ADGRL1: variants seen among roughly 807,000 people sequenced by gnomAD.
The protein encoded by ADGRL1 is adhesion G protein-coupled receptor L1, also known as CIRL-1.
ADGRL1 carries 31 observed loss-of-function variants against 148.9 expected under a neutral mutation model. The ratio of observed to expected loss-of-function variants is 0.21; its 90% CI spans 0.16 to 0.28. ADGRL1 has a LOEUF of 0.28. Ranked by LOEUF, ADGRL1 falls within the 10% of genes least tolerant of loss-of-function variation. The pLI is 1.00. For synonymous variants in ADGRL1, 937 were observed against 900.3 expected (o/e 1.04, Z -0.73); for missense variants, 1,521 against 2,058.8 (o/e 0.74, Z 5.05).
chr19:14,196,930 C>T (rs961641356), intron 1 of ADGRL1, among the ~76,000 whole-genome samples: 2 of 152,058 alleles, frequency 1.3e-5, no homozygotes, highest in African/African-American at 2.4e-5. Context: ...CAGCACAGCG[C>T]CTGGCACAAG....
chr19:14,163,045 G>A lies in ADGRL1; in HGVS notation c.756C>T (p.Thr252=), dbSNP rs750288451. ...TCTTTCCGCCCCAGCGGTAGGGCGA[G>A]GTGTCATGGTAGTTGGCGGTATTGA... ...TVINTANYHD[T]SPYRWGGKTD... Residue 252 remains threonine (T), a synonymous_variant, in exon 5 of 23, where the codon ACC becomes ACT. Transcript: ENST00000361434. The A allele has an allele frequency of 4.3e-6, 7 of 1,614,118 alleles. No individual in the cohort carries two copies. Among genetic ancestry groups the A allele is most frequent in the South Asian group, 1.1e-5 (1 of 91,086 alleles).
chr19:14,203,917 T>C (rs370583656), intron 1 of ADGRL1, among the ~76,000 whole-genome samples: 41 of 151,894 alleles, frequency 2.7e-4, no homozygotes, highest in Middle Eastern at 3.4e-3. Flanking sequence ...ACACATGGGG[T>C]GGACCGAGCG....
chr19:14,157,354 C>G lies in ADGRL1; in HGVS notation c.2642G>C (p.Arg881Pro). The G allele has an allele frequency of 1.2e-6, 2 of 1,614,140 alleles. No homozygotes were observed. The highest frequency in any genetic ancestry group is 1.7e-6 in the Non-Finnish European group (2 of 1,179,994). Residue 881 changes from arginine to proline, a missense_variant, in exon 14 of 23, where the codon CGG becomes CCG. By Grantham distance (103) the Arg-to-Pro change is moderately radical. Transcript: ENST00000361434. This position sits in a 1 kb window ranked among gnomAD's most constrained non-coding sequence, Gnocchi z 7.5. ...AICISTFCFL[R>P]GLQTDRNTIH... ...GGTGTTGCGGTCGGTCTGCAGCCCC[C>G]GCAGGAAGCAGAAGGTGGAGATGCA...
intron 2 of ADGRL1, among the ~76,000 whole-genome samples, chr19:14,183,223 G>GAGAGAGAGAGAGAGAGAGAGAGAC (rs1568616276): frequency 2.6e-5 from 4 of 152,016 alleles, no homozygotes; most frequent in African/African-American, 9.7e-5. Flanking sequence ...GAGAGCGAGA[G>GAGAGAGAGAGAGAGAGAGAGAGAC]AGAGACAGAG....
chr19:14,165,303 G>A (rs1362739283), intron 4 of ADGRL1, among the ~76,000 whole-genome samples: 1 of 152,178 alleles, frequency 6.6e-6, no homozygotes, highest in African/African-American at 2.4e-5. Context: ...CTGAGGGGTC[G>A]GCCTGCCCAC....
At position 14,155,588 on chromosome 19, in the gene ADGRL1, C is replaced by T; in HGVS notation, c.3126-61G>A. 6.4e-7 allele frequency: 1 copy of T among 1,572,448 alleles called. No individual in the cohort carries two copies. Among genetic ancestry groups the T allele is most frequent in the Non-Finnish European group, 8.7e-7 (1 of 1,151,030 alleles). On this transcript the variant is annotated intron_variant, in intron 17 of 22. Transcript: ENST00000361434. This position sits in a 1 kb window ranked among gnomAD's most constrained non-coding sequence, Gnocchi z 5.0. The stretch of plus-strand genomic sequence containing the variant: ...CCGGAGGGGACGGCCTCAGCCCAGG[C>T]CTCCCCTGCAGCCTACAACGGGGGC...
chr19:14,158,863 C>T (rs995730530), intron 11 of ADGRL1, among the ~76,000 whole-genome samples: 1 of 152,224 alleles, frequency 6.6e-6, no homozygotes, highest in African/African-American at 2.4e-5. Context: ...ATCTCAATGG[C>T]CCCATCCTCT....
At position 14,177,730 on chromosome 19, in the gene ADGRL1, C is replaced by G; in HGVS notation, c.85G>C (p.Gly29Arg). ...CGGCGCATCAGCCCGAACGGGAGCC[C>G]GGCCCGGCTCAGGCCTGCAGGGAGG... ...TSATQGLSRA[G>R]LPFGLMRREL... The change falls in exon 3 of 23, where the codon GGG (glycine) becomes CGG (arginine). Residue 29 changes from glycine (G) to arginine (R), a missense_variant. Gly to Arg is a moderately radical substitution (Grantham distance 125). Coordinates refer to ENST00000361434, the MANE Select transcript of ADGRL1 (RefSeq NM_014921.5). 6.2e-7 allele frequency: 1 copy of G among 1,611,744 alleles called. No homozygotes were observed. The highest frequency in any genetic ancestry group is 1.7e-5 in the Admixed American group (1 of 59,982).
chr19:14,190,044 C>CT (rs1271913454), intron 1 of ADGRL1, among the ~76,000 whole-genome samples: 1 of 152,130 alleles, frequency 6.6e-6, no homozygotes. Context: ...TCTCGTGCCT[C>CT]AGCCTCCTAA....
chr19:14,179,671 T>C (rs941696275), intron 2 of ADGRL1, among the ~76,000 whole-genome samples: 1 of 148,584 alleles, frequency 6.7e-6, no homozygotes, highest in African/African-American at 2.5e-5. Flanking sequence ...CTTTGGGAGG[T>C]CGAGGTGGGC....
intron 2 of ADGRL1, among the ~76,000 whole-genome samples, chr19:14,182,542 C>T (rs1971270638): frequency 6.6e-6 from 1 of 152,138 alleles, no homozygotes. Flanking sequence ...GGCAGGGAGG[C>T]CCTTGGGGTT....
At chr19:14,167,655 G>T (rs1364377804) in intron 4 of ADGRL1, among the ~76,000 whole-genome samples, 1 of 152,080 alleles carries the variant, frequency 6.6e-6, no homozygotes. Context: ...CAACCCAGAA[G>T]AAGCAAACAC....
intron 1 of ADGRL1, among the ~76,000 whole-genome samples, chr19:14,186,922 A>G (rs1053340651): frequency 6.6e-6 from 1 of 152,260 alleles, no homozygotes; most frequent in African/African-American, 2.4e-5. Flanking sequence ...CCCTGCAAAC[A>G]AAACAGTCCT....
intron 1 of ADGRL1, among the ~76,000 whole-genome samples, chr19:14,204,344 C>G (rs1972816250): frequency 6.6e-6 from 1 of 152,040 alleles, no homozygotes; most frequent in South Asian, 2.1e-4. Context: ...GAGTCCCCTG[C>G]CGGGGGCAGA....
At chr19:14,205,760 G>A (rs1972962031) in intron 1 of ADGRL1, among the ~76,000 whole-genome samples, 1 of 151,384 alleles carries the variant, frequency 6.6e-6, no homozygotes, top group African/African-American at 2.4e-5. Flanking sequence ...GCGCTCCGTG[G>A]GGGCCGCCCC....
Position 14,161,451 on chromosome 19 carries a change from G to A in ADGRL1, c.1371C>T (p.Pro457=), listed in dbSNP as rs1448324305. ...TCGGGGCTGGGGGCCGCCGGGTGCT[G>A]GGGACTGGGGCTGTGGCTGGAGGCA... is the stretch of plus-strand genomic sequence containing the variant. ...PDLPPATAPV[P]STRRPPAPNL... Residue 457 remains proline, a synonymous_variant, in exon 6 of 23, where the codon CCC becomes CCT. Transcript: ENST00000361434. This position sits in a 1 kb window ranked among gnomAD's most constrained non-coding sequence, Gnocchi z 4.4. 4.7e-5 allele frequency: 69 copies of A among 1,457,062 alleles called. No individual in the cohort carries two copies. Among genetic ancestry groups the A allele is most frequent in the Non-Finnish European group, 6.1e-5 (67 of 1,103,672 alleles). 90.3% of individuals were successfully genotyped at this position (1,457,062 alleles called of 1,614,324 possible).
intron 1 of ADGRL1, among the ~76,000 whole-genome samples, chr19:14,189,214 CTTTT>C (rs869270152): frequency 6.6e-5 from 9 of 136,438 alleles, no homozygotes; most frequent in Non-Finnish European, 1.4e-4. Flanking sequence ...GCTATGTGGC[CTTTT>C]TTTTTTTTTT....
intron 2 of ADGRL1, among the ~76,000 whole-genome samples, chr19:14,181,593 G>A (rs562644486): frequency 7.8e-4 from 118 of 152,082 alleles, no homozygotes; most frequent in African/African-American, 2.4e-3. Flanking sequence ...GGTGGCAGGC[G>A]GCTGTAATCC....
intron 1 of ADGRL1, among the ~76,000 whole-genome samples, chr19:14,200,684 C>T (rs1972543475): frequency 6.6e-6 from 1 of 152,202 alleles, no homozygotes; most frequent in African/African-American, 2.4e-5. Flanking sequence ...GCGATCACAG[C>T]TCACTGCAGC....
Sources: gnomAD v4.1 joint callset for allele counts (sites outside exome capture counted in the v4.1 genomes callset) on GRCh38, gnomAD v4.1.1 for gene constraint, Gnocchi (gnomAD v3.1) non-coding constraint, MANE v1.5 for transcripts, NCBI Gene and HGNC (gene_info 2026-07-23, HGNC 2026-07-21) for gene names.